Variants in LCT observed in about 807,000 individuals in gnomAD.
LCT encodes the protein lactase/phlorizin hydrolase.
A neutral mutation model predicts 173.0 loss-of-function variants in LCT; 90 were observed. That is an observed-to-expected ratio of 0.52 (90% CI 0.44 to 0.62). The LOEUF (loss-of-function observed/expected upper bound fraction) is 0.62, where lower values mean the gene tolerates loss of function less well. Among genes scored for constraint, LCT ranks in the 20% least tolerant of loss-of-function variants. LCT has a pLI of 0.00. For synonymous variants in LCT, 853 were observed against 957.6 expected, an observed-to-expected ratio of 0.89 and a Z score of 2.02; for missense variants, 1,864 against 2,431.4, an observed-to-expected ratio of 0.77 and a Z score of 4.91.
chr2:135,829,520 G>T, intron 3 of LCT, 73 bp downstream of exon 3: 1 of 1,109,682 alleles, frequency 9.0e-7, no homozygotes, highest in Non-Finnish European at 1.4e-6. Flanking sequence ...AGTAGCCAAA[G>T]CATTAAATGT....
chr2:135,831,943 G>A lies in LCT; in HGVS notation c.720+1168C>T, dbSNP rs146933964. Among the ~76,000 whole-genome samples, 77 of 152,238 alleles carry A rather than the reference G, an allele frequency of 5.1e-4. 1 individual carries two copies. Among genetic ancestry groups the A allele is most frequent in the East Asian group, 3.5e-3 (18 of 5,174 alleles). ...TTAAAAATTATAGTTAAAGGCTGGC[G>A]TGGTGGCTCAAGCCTGTAATTCCAG... On this transcript the variant is annotated intron_variant, in intron 2 of 16. Transcript: ENST00000264162.
chr2:135,819,278 C>T (rs1171356075), intron 5 of LCT, among the ~76,000 whole-genome samples: 2 of 152,166 alleles, frequency 1.3e-5, no homozygotes, highest in African/African-American at 4.8e-5. Context: ...AGTCCATTTT[C>T]CTCCCTCCCA....
At chr2:135,800,211 C>A (rs573338940) in intron 12 of LCT, among the ~76,000 whole-genome samples, 2 of 152,238 alleles carry the variant, frequency 1.3e-5, no homozygotes, top group South Asian at 4.2e-4. Flanking sequence ...CAGGCAATAG[C>A]AAAACTAGGC....
At chr2:135,811,581 G>A (rs2077734649) in intron 7 of LCT, among the ~76,000 whole-genome samples, 1 of 151,998 alleles carries the variant, frequency 6.6e-6, no homozygotes, top group Admixed American at 6.6e-5. Flanking sequence ...CTGGAGCAAT[G>A]AGGGAAGAGT....
At chr2:135,823,750 A>G in intron 4 of LCT, 151 bp downstream of exon 4, 1 of 704,136 alleles carries the variant, frequency 1.4e-6, no homozygotes. Context: ...GTAGGAAGGC[A>G]TAGTACACTA....
intron 3 of LCT, among the ~76,000 whole-genome samples, chr2:135,826,968 A>T (rs59243420): frequency 0.19 from 28,887 of 151,932 alleles, 3,059 homozygotes; most frequent in Middle Eastern, 0.4. Flanking sequence ...AAACCCTTGG[A>T]CTTCTTTTTC....
chr2:135,807,993 G>T (rs559894448), intron 8 of LCT, among the ~76,000 whole-genome samples: 2 of 150,716 alleles, frequency 1.3e-5, no homozygotes, highest in East Asian at 3.9e-4. Flanking sequence ...AGCCGGGCAC[G>T]GTGGCCACTG....
At position 135,809,393 on chromosome 2, in the gene LCT, G is replaced by A; in HGVS notation, c.2954C>T (p.Pro985Leu). Residue 985 changes from proline to leucine, a missense_variant, in exon 8 of 17, where the codon CCA becomes CTA. Transcript: ENST00000264162. The surrounding 1 kb of genome is among the most constrained non-coding windows in gnomAD (Gnocchi z 5.5). ...RFSISWSRIF[P>L]TGRNSSINSH... Reference sequence around the variant, plus strand: ...GTTGATAGAGCTGTTTCTCCCAGTTGGGAAAATCCGAGACCAGGAGATAGA... The same window carrying A: ...GTTGATAGAGCTGTTTCTCCCAGTTAGGAAAATCCGAGACCAGGAGATAGA... The A allele has an allele frequency of 6.2e-7, 1 of 1,614,196 alleles. No homozygotes were observed. Among genetic ancestry groups the A allele is most frequent in the Non-Finnish European group, 8.5e-7 (1 of 1,180,030 alleles).
intron 11 of LCT, among the ~76,000 whole-genome samples, chr2:135,802,379 A>G (rs1008503830): frequency 6.6e-6 from 1 of 152,252 alleles, no homozygotes; most frequent in Non-Finnish European, 1.5e-5. Flanking sequence ...TCCAAAGGAA[A>G]GTAAGTCAGA....
rs776196678 is a variant in LCT at position 135,804,952 on chromosome 2, C to T, written c.4279G>A (p.Asp1427Asn). ...ENDAIGDVAC[D>N]SYHKIAEDLV... ...TCCTCAGCAATCTTGTGATAACTGTCACAGGCCACGTCTCCAATGGCATCG... is the reference window on the plus strand; with the variant it reads ...TCCTCAGCAATCTTGTGATAACTGTTACAGGCCACGTCTCCAATGGCATCG... The change falls in exon 10 of 17, where the codon GAC becomes AAC. Residue 1427 changes from aspartate (D) to asparagine (N), a missense_variant. By Grantham distance (23) the Asp-to-Asn change is conservative. Transcript: ENST00000264162. 7.4e-6 allele frequency: 12 copies of T among 1,614,106 alleles called. No individual in the cohort carries two copies. The South Asian group carries it at 1.1e-4, about 15-fold the overall frequency.
chr2:135,824,778 G>A (rs988353592), intron 3 of LCT, among the ~76,000 whole-genome samples: 5 of 151,976 alleles, frequency 3.3e-5, no homozygotes, highest in Non-Finnish European at 5.9e-5. Context: ...TGAGGCGGGC[G>A]GATCACCTGA....
At chr2:135,795,549 C>T (rs2077575153) in intron 13 of LCT, among the ~76,000 whole-genome samples, 1 of 151,586 alleles carries the variant, frequency 6.6e-6, no homozygotes, top group Non-Finnish European at 1.5e-5. Context: ...TCTGCCCTTT[C>T]CAAGTTTCTC....
chr2:135,824,549 A>T lies in LCT; in HGVS notation c.805-546T>A, dbSNP rs548330034. Reference sequence around the variant, plus strand: ...GAGCAAGATCCTGTCTCTAAAAAAAATTTTTTTTAATTAAAAATCTAGTTT... The same window carrying T: ...GAGCAAGATCCTGTCTCTAAAAAAATTTTTTTTTAATTAAAAATCTAGTTT... On this transcript the variant is annotated intron_variant, in intron 3 of 16. Transcript: ENST00000264162. 7.9e-4 allele frequency among the ~76,000 whole-genome samples: 120 copies of T among 152,174 alleles called. 1 individual carries two copies. The highest frequency in any genetic ancestry group is 2.3e-3 in the African/African-American group (95 of 41,532).
At chr2:135,825,912 G>A (rs1247314411) in intron 3 of LCT, among the ~76,000 whole-genome samples, 1 of 152,194 alleles carries the variant, frequency 6.6e-6, no homozygotes, top group Non-Finnish European at 1.5e-5. Context: ...TGGGCAGCAC[G>A]ATTCAGGCTC....
chr2:135,822,413 T>C (rs986091267), intron 4 of LCT: 2 of 356,416 alleles, frequency 5.6e-6, no homozygotes, highest in Non-Finnish European at 1.1e-5. Context: ...AATATGCATT[T>C]CTAATGAGCT....
chr2:135,793,898 G>A (rs955237472), intron 14 of LCT, among the ~76,000 whole-genome samples: 5 of 150,180 alleles, frequency 3.3e-5, no homozygotes, highest in Admixed American at 6.7e-5. Context: ...GAGAAACCCT[G>A]TCTCTACTAA....
In LCT at chr2:135,788,085, G is replaced by A. The variant is rs16832012; in HGVS notation, c.*239C>T. ...ACTAGACCAGTATCTACACGTTTCC[G>A]CAAGAGCTACTTGCTTCTCAAATGC... is the stretch of plus-strand genomic sequence containing the variant. On this transcript the variant is annotated 3_prime_UTR_variant, in exon 17 of 17. Coordinates refer to ENST00000264162, the MANE Select transcript of LCT (RefSeq NM_002299.4). 8.3e-4 allele frequency: 453 copies of A among 545,796 alleles called. No homozygotes were observed. Among genetic ancestry groups the A allele is most frequent in the Non-Finnish European group, 1.2e-3 (358 of 303,536 alleles). The allele number at this position is 545,796 out of a possible 1,614,324, so 33.8% of individuals were successfully genotyped here.
intron 13 of LCT, among the ~76,000 whole-genome samples, chr2:135,795,445 G>C (rs1388977788): frequency 1.3e-5 from 2 of 151,888 alleles, no homozygotes; most frequent in Non-Finnish European, 2.9e-5. Context: ...CTGACCTCAA[G>C]TGATCCGCCC....
intron 13 of LCT, among the ~76,000 whole-genome samples, chr2:135,797,806 T>C (rs1385262030): frequency 6.6e-6 from 1 of 152,202 alleles, no homozygotes; most frequent in Non-Finnish European, 1.5e-5. Flanking sequence ...CAGAGGTGGA[T>C]AGCCTTGGAA....
Sources: gnomAD v4.1 joint callset for allele counts (sites outside exome capture counted in the v4.1 genomes callset) on GRCh38, gnomAD v4.1.1 for gene constraint, Gnocchi (gnomAD v3.1) non-coding constraint, MANE v1.5 for transcripts, NCBI Gene and HGNC (gene_info 2026-07-23, HGNC 2026-07-21) for gene names.